The following SBF2 variants were observed in gnomAD, a reference collection of about 807,000 sequenced individuals.
SBF2 encodes myotubularin-related protein 13.
In SBF2, 112 loss-of-function variants were observed where a neutral mutation model predicts 225.2. The observed-to-expected ratio is 0.50, with a 90% CI of 0.43 to 0.58. The LOEUF (loss-of-function observed/expected upper bound fraction) is 0.58, where lower values mean the gene tolerates loss of function less well. SBF2 is among the 20% of genes least tolerant of loss of function. The probability of loss-of-function intolerance (pLI) is 0.00; values close to 1 mark genes in which losing one functional copy is unlikely to be tolerated. For synonymous variants in SBF2, 763 were observed against 773.3 expected (o/e 0.99, Z 0.22); for missense variants, 1,996 against 2,206.2 (o/e 0.90, Z 1.91).
chr11:10,195,140 C>A (rs1957311850), intron 1 of SBF2, among the ~76,000 whole-genome samples: 1 of 152,136 alleles, frequency 6.6e-6, no homozygotes, highest in Non-Finnish European at 1.5e-5. Context: ...ATGGATACTT[C>A]TTTGGGGGAA....
chr11:9,807,227 C>G (rs1006750840), intron 32 of SBF2, among the ~76,000 whole-genome samples: 6 of 152,174 alleles, frequency 3.9e-5, no homozygotes, highest in African/African-American at 1.4e-4. Flanking sequence ...AGCTCAGTGC[C>G]ATCCAATTCT....
rs142830532 is a variant in SBF2, at chr11:10,011,114, CAT to C, written c.620-8427_620-8426del. Among the ~76,000 whole-genome samples the C allele has an allele frequency of 8.8e-3, 1,344 of 152,284 alleles. 9 individuals are homozygous for C. Among genetic ancestry groups the C allele is most frequent in the Non-Finnish European group, 0.015 (1,018 of 68,024 alleles). On this transcript the variant is annotated intron_variant, in intron 6 of 39. Transcript: ENST00000256190. ...CTAAGAGAAGAAATAAAAAAATACA[CAT>C]ATAGTCTATTTACCCACAGATTTCC...
At chr11:10,205,490 G>A (rs1228664717) in intron 1 of SBF2, among the ~76,000 whole-genome samples, 1 of 151,772 alleles carries the variant, frequency 6.6e-6, no homozygotes, top group Non-Finnish European at 1.5e-5. Context: ...ACAATGGCAG[G>A]ACATCTTACC....
intron 16 of SBF2, chr11:9,958,612 C>A: frequency 4.7e-6 from 1 of 213,758 alleles, no homozygotes; most frequent in Non-Finnish European, 9.5e-6. Flanking sequence ...CCCGCCTCGG[C>A]CTCCCAAAGT....
At chr11:10,278,800 A>G (rs1963179010) in intron 1 of SBF2, among the ~76,000 whole-genome samples, 2 of 151,734 alleles carry the variant, frequency 1.3e-5, no homozygotes, top group Non-Finnish European at 2.9e-5. Flanking sequence ...AAAAAAAAAA[A>G]AAAAGAAATA....
At chr11:10,131,142 T>C (rs1954028756) in intron 2 of SBF2, among the ~76,000 whole-genome samples, 2 of 152,264 alleles carry the variant, frequency 1.3e-5, no homozygotes, top group South Asian at 4.1e-4. Flanking sequence ...TTACAACTCC[T>C]ACCAGCAATG....
chr11:10,030,721 C>T (rs1025747197), intron 4 of SBF2, among the ~76,000 whole-genome samples: 8 of 152,082 alleles, frequency 5.3e-5, no homozygotes, highest in African/African-American at 1.2e-4. Context: ...TATACATACA[C>T]GAATTTGTTA....
At chr11:10,283,330 G>A (rs1056021864) in intron 1 of SBF2, among the ~76,000 whole-genome samples, 1 of 151,776 alleles carries the variant, frequency 6.6e-6, no homozygotes, top group Non-Finnish European at 1.5e-5. Flanking sequence ...CTACTTCAGG[G>A]GAGAAAACTC....
chr11:10,018,236 T>A (rs998236233), intron 6 of SBF2, among the ~76,000 whole-genome samples: 18 of 152,080 alleles, frequency 1.2e-4, no homozygotes, highest in African/African-American at 4.3e-4. Flanking sequence ...TCATCAATCA[T>A]AAAATTCTAG....
At chr11:10,118,937 CA>C (rs149787721) in intron 2 of SBF2, among the ~76,000 whole-genome samples, 2,260 of 141,784 alleles carry the variant, frequency 0.016, 47 homozygotes, top group African/African-American at 0.041. Flanking sequence ...AACAAACAAA[CA>C]AAAAAAAAAC....
chr11:10,246,651 T>A (rs1164730980), intron 1 of SBF2, among the ~76,000 whole-genome samples: 4 of 152,180 alleles, frequency 2.6e-5, no homozygotes, highest in African/African-American at 9.7e-5. Flanking sequence ...AAGACAAGCA[T>A]ATGTCAATAA....
intron 1 of SBF2, among the ~76,000 whole-genome samples, chr11:10,202,570 G>A (rs1191145655): frequency 6.6e-6 from 1 of 152,216 alleles, no homozygotes; most frequent in African/African-American, 2.4e-5. Flanking sequence ...TGGATCACGA[G>A]GTCAGGAGAT....
intron 1 of SBF2, among the ~76,000 whole-genome samples, chr11:10,208,126 A>C (rs78074949): frequency 0.095 from 14,507 of 152,168 alleles, 980 homozygotes; most frequent in East Asian, 0.28. Flanking sequence ...GGTGACCTTA[A>C]GCAAATCCTC....
intron 2 of SBF2, among the ~76,000 whole-genome samples, chr11:10,120,509 A>G (rs1953387072): frequency 6.6e-6 from 1 of 152,110 alleles, no homozygotes; most frequent in African/African-American, 2.4e-5. Flanking sequence ...TTTTTTAAGG[A>G]CCCTTCATAC....
At chr11:10,190,322 T>C (rs1248394637) in intron 2 of SBF2, among the ~76,000 whole-genome samples, 1 of 152,242 alleles carries the variant, frequency 6.6e-6, no homozygotes, top group African/African-American at 2.4e-5. Flanking sequence ...ATGCTGTCAC[T>C]AAAATTAACT....
At chr11:10,042,590 T>C (rs189807533) in intron 3 of SBF2, among the ~76,000 whole-genome samples, 24 of 152,340 alleles carry the variant, frequency 1.6e-4, no homozygotes, top group African/African-American at 5.8e-4. Flanking sequence ...ATATTCTTAA[T>C]AAACCAATTC....
intron 16 of SBF2, among the ~76,000 whole-genome samples, chr11:9,915,996 G>A (rs986700574): frequency 1.3e-5 from 2 of 152,094 alleles, no homozygotes; most frequent in Admixed American, 6.6e-5. Context: ...CCTGGGAGGC[G>A]GAGGTTGCAG....
At chr11:10,129,488 AAAAT>A (rs1591022758) in intron 2 of SBF2, among the ~76,000 whole-genome samples, 1 of 152,184 alleles carries the variant, frequency 6.6e-6, no homozygotes, top group East Asian at 1.9e-4. Context: ...AGAAAACTAA[AAAAT>A]AAATTATAAG....
chr11:9,933,590 A>G (rs1030311689), intron 16 of SBF2, among the ~76,000 whole-genome samples: 11 of 152,228 alleles, frequency 7.2e-5, no homozygotes, highest in South Asian at 2.1e-4. Flanking sequence ...AGGCAGAAAT[A>G]AAGATGTTTT....
Sources: gnomAD v4.1 joint callset for allele counts (sites outside exome capture counted in the v4.1 genomes callset) on GRCh38, gnomAD v4.1.1 for gene constraint, MANE v1.5 for transcripts, NCBI Gene and HGNC (gene_info 2026-07-23, HGNC 2026-07-21) for gene names.